The following SHISA9 variants were observed in gnomAD, a reference collection of about 807,000 sequenced individuals.
SHISA9 encodes the protein shisa family member 9, also known as protein shisa-9.
A neutral mutation model predicts 38.0 loss-of-function variants in SHISA9; 13 were observed. The observed-to-expected ratio is 0.34, with a 90% CI of 0.22 to 0.54. SHISA9 has a LOEUF of 0.54. SHISA9 is among the 20% of genes least tolerant of loss of function. SHISA9 has a pLI of 0.91. For missense variants in SHISA9, 538 were observed against 575.8 expected (o/e 0.93, Z 0.67); for synonymous variants, 275 against 242.0 (o/e 1.14, Z -1.27).
At chr16:13,090,744 G>T (rs1481779017) in intron 2 of SHISA9, among the ~76,000 whole-genome samples, 1 of 152,250 alleles carries the variant, frequency 6.6e-6, no homozygotes, top group African/African-American at 2.4e-5. Context: ...GATGGGTCTT[G>T]ATTCTTTGTC....
chr16:13,209,296 G>A (rs2142061508), intron 3 of SHISA9, among the ~76,000 whole-genome samples: 1 of 152,202 alleles, frequency 6.6e-6, no homozygotes, highest in African/African-American at 2.4e-5. Flanking sequence ...TCATTTTGAG[G>A]GAGAAAGGGT....
rs368961003 is a variant in SHISA9 at position 12,907,997 on chromosome 16, A to G, written c.563+5370A>G. Among the ~76,000 whole-genome samples the G allele has an allele frequency of 9.2e-5, 14 of 152,286 alleles. No individual in the cohort carries two copies. In the South Asian group the frequency reaches 2.3e-3, roughly 25 times the overall value. On this transcript the variant is annotated intron_variant, in intron 1 of 4. Transcript: ENST00000558583. The stretch of plus-strand genomic sequence containing the variant: ...CTCCAGTCAGATGGCCTGAGATTCA[A>G]TCTCAGCTCAGCCACTTAATAGCTG...
the SHISA9 span, among the ~76,000 whole-genome samples, chr16:13,266,381 C>A: frequency 6.6e-6 from 1 of 152,104 alleles, no homozygotes; most frequent in South Asian, 2.1e-4. Context: ...AATGCTTTCC[C>A]CAGTCTAGGA....
At chr16:13,528,177 T>G in the SHISA9 span, among the ~76,000 whole-genome samples, 4 of 152,152 alleles carry the variant, frequency 2.6e-5, no homozygotes, top group Non-Finnish European at 5.9e-5. Flanking sequence ...TTCTGAAAGC[T>G]TGCCCAGCAA....
chr16:13,007,078 T>C (rs536510111), intron 2 of SHISA9, among the ~76,000 whole-genome samples: 1 of 152,230 alleles, frequency 6.6e-6, no homozygotes, highest in Non-Finnish European at 1.5e-5. Context: ...ATTCTATTCA[T>C]GTGCCAGTGT....
At chr16:13,382,621 G>A in the SHISA9 span, among the ~76,000 whole-genome samples, 2 of 152,094 alleles carry the variant, frequency 1.3e-5, no homozygotes, top group Admixed American at 1.3e-4. Flanking sequence ...GACTTTGGGA[G>A]GCTGAGGCAA....
chr16:13,045,566 A>G (rs1469183842), intron 2 of SHISA9, among the ~76,000 whole-genome samples: 1 of 149,946 alleles, frequency 6.7e-6, no homozygotes, highest in Non-Finnish European at 1.5e-5. Context: ...GTACACGGTA[A>G]ATCTCCCACA....
At chr16:13,002,076 C>G (rs1476431077) in intron 2 of SHISA9, among the ~76,000 whole-genome samples, 1 of 152,186 alleles carries the variant, frequency 6.6e-6, no homozygotes, top group African/African-American at 2.4e-5. Flanking sequence ...ATCAGTGTTT[C>G]ATAAAACTCC....
chr16:13,104,043 A>G (rs2073903750), intron 2 of SHISA9, among the ~76,000 whole-genome samples: 1 of 152,164 alleles, frequency 6.6e-6, no homozygotes, highest in Non-Finnish European at 1.5e-5. Context: ...TCCAGGAGGC[A>G]TGCATGTGTC....
intron 2 of SHISA9, among the ~76,000 whole-genome samples, chr16:13,046,166 G>A (rs1029091302): frequency 6.8e-6 from 1 of 146,636 alleles, no homozygotes; most frequent in Non-Finnish European, 1.5e-5. Context: ...GTGACTGACT[G>A]TGTATTTATT....
intron 2 of SHISA9, among the ~76,000 whole-genome samples, chr16:13,017,368 C>T (rs1459380277): frequency 6.6e-6 from 1 of 152,082 alleles, no homozygotes. Context: ...TGCATTTTCC[C>T]CAATTTATCT....
the SHISA9 span, among the ~76,000 whole-genome samples, chr16:13,540,360 C>A: frequency 6.6e-6 from 1 of 152,148 alleles, no homozygotes. Context: ...ACTTTGTTCA[C>A]CGATTTGGCA....
chr16:13,329,820 TG>T, the SHISA9 span, among the ~76,000 whole-genome samples: 1 of 152,184 alleles, frequency 6.6e-6, no homozygotes, highest in African/African-American at 2.4e-5. Context: ...TATTTGGGGT[TG>T]TTTGTTCGGG....
chr16:13,024,388 C>G (rs1013975121), intron 2 of SHISA9, among the ~76,000 whole-genome samples: 3 of 152,240 alleles, frequency 2.0e-5, no homozygotes, highest in Non-Finnish European at 2.9e-5. Context: ...TGCTGGACAG[C>G]CCAGTTGGCC....
chr16:13,490,692 A>T, the SHISA9 span, among the ~76,000 whole-genome samples: 2 of 152,184 alleles, frequency 1.3e-5, no homozygotes, highest in South Asian at 4.1e-4. Context: ...CAATGTATGT[A>T]TTGATCCACT....
At chr16:13,480,243 C>A in the SHISA9 span, among the ~76,000 whole-genome samples, 2 of 152,204 alleles carry the variant, frequency 1.3e-5, no homozygotes, top group East Asian at 3.9e-4. Flanking sequence ...TTTATTCTCT[C>A]TTTTCTCAAG....
chr16:13,274,481 C>T, the SHISA9 span, among the ~76,000 whole-genome samples: 27 of 152,254 alleles, frequency 1.8e-4, no homozygotes, highest in East Asian at 5.2e-3. Context: ...TCACCCACTC[C>T]TATAGTTTCG....
chr16:13,228,564 G>A (rs1274479746), intron 4 of SHISA9, among the ~76,000 whole-genome samples: 1 of 152,158 alleles, frequency 6.6e-6, no homozygotes, highest in Admixed American at 6.5e-5. Flanking sequence ...AAAGAATGAT[G>A]CTGGATCATT....
the SHISA9 span, among the ~76,000 whole-genome samples, chr16:13,273,333 C>T: frequency 6.6e-6 from 1 of 152,224 alleles, no homozygotes; most frequent in African/African-American, 2.4e-5. Flanking sequence ...GTATTCCCAC[C>T]CAAATCTCAT....
Sources: allele counts gnomAD v4.1 joint callset (sites outside exome capture counted in the v4.1 genomes callset), GRCh38; gene constraint gnomAD v4.1.1; transcripts MANE v1.5; gene names NCBI Gene and HGNC (gene_info 2026-07-23, HGNC 2026-07-21).